CD80: variants seen among roughly 807,000 people sequenced by gnomAD.
CD80 encodes T-lymphocyte activation antigen CD80.
Under a neutral mutation model 27.1 loss-of-function variants are expected in CD80, and 13 were observed. That is an observed-to-expected ratio of 0.48 (90% CI 0.31 to 0.76). The LOEUF is 0.76. Ranked by LOEUF, CD80 falls within the 30% of genes least tolerant of loss-of-function variation. The pLI is 0.04. For synonymous variants in CD80, 125 were observed against 125.5 expected (o/e 1.00, Z 0.03); for missense variants, 277 against 347.9 (o/e 0.80, Z 1.62).
At position 119,557,434 on chromosome 3, in the gene CD80, A is replaced by G. The variant is rs375575800; in HGVS notation, c.100+195T>C. Among the ~76,000 whole-genome samples, 8 of 152,148 alleles carry G rather than the reference A, an allele frequency of 5.3e-5. No homozygotes were observed. In the South Asian group the frequency reaches 1.7e-3, roughly 31 times the overall value. The stretch of plus-strand genomic sequence containing the variant: ...GGGTTCTTGAGTTAACTTGGTTGCT[A>G]ACTTGCTGTGTGATGATAGGCAGGT... On this transcript the variant is annotated intron_variant, in intron 2 of 6. Coordinates refer to ENST00000264246, the MANE Select transcript of CD80 (RefSeq NM_005191.4).
At chr3:119,547,930 A>G (rs182264229) in intron 2 of CD80, among the ~76,000 whole-genome samples, 6 of 152,006 alleles carry the variant, frequency 3.9e-5, no homozygotes, top group Admixed American at 1.3e-4. Context: ...GTTATCCAGA[A>G]TCTTCCCCTT....
chr3:119,557,571 T>C lies in CD80; in HGVS notation c.100+58A>G, dbSNP rs184625151. On this transcript the variant is annotated intron_variant, in intron 2 of 6. Transcript: ENST00000264246. ...GAAGGGAGCAGCTCAGAGAACCCCA[T>C]GTCCTTTCTCTTAACCCTGTAGCAG... The C allele has an allele frequency of 2.6e-4, 313 of 1,206,700 alleles. 1 individual carries two copies. The East Asian group carries it at 6.9e-3, about 27-fold the overall frequency. The allele number at this position is 1,206,700 out of a possible 1,614,324, so 74.7% of individuals were successfully genotyped here.
At chr3:119,543,101 A>C (rs1370583462) in intron 3 of CD80, among the ~76,000 whole-genome samples, 1 of 152,200 alleles carries the variant, frequency 6.6e-6, no homozygotes, top group Non-Finnish European at 1.5e-5. Context: ...TTATCCTTAA[A>C]AACTCTGCTC....
intron 3 of CD80, among the ~76,000 whole-genome samples, chr3:119,541,969 A>G (rs2082171368): frequency 6.7e-6 from 1 of 149,736 alleles, no homozygotes; most frequent in East Asian, 2.0e-4. Flanking sequence ...AATTCACCTG[A>G]CCTGAGTCTA....
intron 4 of CD80, among the ~76,000 whole-genome samples, chr3:119,535,213 C>A (rs2082130597): frequency 1.3e-5 from 2 of 151,034 alleles, no homozygotes; most frequent in Non-Finnish European, 3.0e-5. Context: ...AAAAAATCTG[C>A]TGTAACACTG....
intron 5 of CD80, 48 bp downstream of exon 5, chr3:119,529,794 T>C (rs1194628170): frequency 7.7e-7 from 1 of 1,296,122 alleles, no homozygotes; most frequent in African/African-American, 1.5e-5. Context: ...GGTAATAAAG[T>C]TTGATCTTCC....
At chr3:119,529,340 G>C (rs957303168) in intron 5 of CD80, among the ~76,000 whole-genome samples, 3 of 152,046 alleles carry the variant, frequency 2.0e-5, no homozygotes, top group East Asian at 3.9e-4. Flanking sequence ...AATGATTCTT[G>C]GCACCAAAAT....
chr3:119,541,279 T>TA (rs1018289857), intron 3 of CD80, among the ~76,000 whole-genome samples: 1 of 152,182 alleles, frequency 6.6e-6, no homozygotes, highest in Non-Finnish European at 1.5e-5. Flanking sequence ...AGGAAAGGAA[T>TA]AGGTGCACAT....
intron 3 of CD80, among the ~76,000 whole-genome samples, chr3:119,538,358 A>G (rs571077879): frequency 1.3e-5 from 2 of 151,644 alleles, no homozygotes; most frequent in South Asian, 2.1e-4. Flanking sequence ...GCTTTCTTCT[A>G]TGTTATCTAT....
At chr3:119,528,758 C>G (rs1383528192) in intron 5 of CD80, among the ~76,000 whole-genome samples, 2 of 151,704 alleles carry the variant, frequency 1.3e-5, no homozygotes, top group Non-Finnish European at 2.9e-5. Flanking sequence ...CCCGTCTCTA[C>G]TAAAAATACA....
chr3:119,546,952 T>C (rs116138205), intron 2 of CD80, among the ~76,000 whole-genome samples: 4 of 152,222 alleles, frequency 2.6e-5, no homozygotes, highest in African/African-American at 9.6e-5. Flanking sequence ...ATCCATTTCA[T>C]GTGACTTCAG....
chr3:119,531,580 C>T (rs899885176), intron 4 of CD80, among the ~76,000 whole-genome samples: 60 of 152,178 alleles, frequency 3.9e-4, no homozygotes, highest in African/African-American at 1.4e-3. Flanking sequence ...CAAGGCTGGG[C>T]TGGAGAGAGG....
At chr3:119,543,659 C>G (rs1045072184) in intron 3 of CD80, among the ~76,000 whole-genome samples, 1 of 151,788 alleles carries the variant, frequency 6.6e-6, no homozygotes, top group African/African-American at 2.4e-5. Flanking sequence ...AGGCTGGTCT[C>G]AAACTCCTGA....
intron 4 of CD80, among the ~76,000 whole-genome samples, chr3:119,535,507 T>A (rs1289640622): frequency 1.3e-5 from 2 of 152,176 alleles, no homozygotes; most frequent in African/African-American, 4.8e-5. Flanking sequence ...ATTTTGAGCA[T>A]CTCAGTTCAC....
intron 4 of CD80, among the ~76,000 whole-genome samples, chr3:119,531,299 T>C (rs1420755984): frequency 6.6e-6 from 1 of 152,254 alleles, no homozygotes; most frequent in Non-Finnish European, 1.5e-5. Flanking sequence ...GGAACATTTC[T>C]CAGCACCTCC....
chr3:119,555,153 A>G (rs1560059455), intron 2 of CD80, among the ~76,000 whole-genome samples: 1 of 152,126 alleles, frequency 6.6e-6, no homozygotes, highest in Non-Finnish European at 1.5e-5. Context: ...GAAAAATTGA[A>G]TGTAAAGTAA....
chr3:119,540,635 G>C (rs1030092800), intron 3 of CD80, among the ~76,000 whole-genome samples: 1 of 152,012 alleles, frequency 6.6e-6, no homozygotes, highest in African/African-American at 2.4e-5. Flanking sequence ...GTTATAACTA[G>C]GAATAATAAA....
chr3:119,554,318 A>G (rs2082251203), intron 2 of CD80, among the ~76,000 whole-genome samples: 1 of 152,062 alleles, frequency 6.6e-6, no homozygotes. Flanking sequence ...TCAGACTATA[A>G]ACTTATAGGC....
At chr3:119,535,910 C>T (rs1560054666) in intron 4 of CD80, among the ~76,000 whole-genome samples, 1 of 152,084 alleles carries the variant, frequency 6.6e-6, no homozygotes, top group Non-Finnish European at 1.5e-5. Context: ...AAGATGAATG[C>T]TTGATGGATA....
Sources: allele counts gnomAD v4.1 joint callset (sites outside exome capture counted in the v4.1 genomes callset), GRCh38; gene constraint gnomAD v4.1.1; transcripts MANE v1.5; gene names NCBI Gene and HGNC (gene_info 2026-07-23, HGNC 2026-07-21).